The following CRACD variants were observed in gnomAD, a reference collection of about 807,000 sequenced individuals.
CRACD encodes the protein capping protein-inhibiting regulator of actin dynamics.
A neutral mutation model predicts 106.8 loss-of-function variants in CRACD; 56 were observed. The observed-to-expected ratio is 0.52, with a 90% CI of 0.42 to 0.66. CRACD has a LOEUF of 0.66. CRACD is among the 30% of genes least tolerant of loss of function. The pLI, the probability that CRACD is intolerant of heterozygous loss-of-function variation, is 0.00. For missense variants in CRACD, 1,730 were observed against 1,623.2 expected (o/e 1.07, Z -1.13); for synonymous variants, 754 against 670.8 (o/e 1.12, Z -1.92).
intron 2 of CRACD, among the ~76,000 whole-genome samples, chr4:56,216,585 A>G (rs1320991872): frequency 2.0e-5 from 3 of 152,102 alleles, no homozygotes; most frequent in African/African-American, 7.2e-5. Flanking sequence ...TGTGTGTGTG[A>G]CTGTGTTCCA....
At chr4:56,109,315 T>C (rs1240748616) in intron 1 of CRACD, among the ~76,000 whole-genome samples, 1 of 152,122 alleles carries the variant, frequency 6.6e-6, no homozygotes, top group Non-Finnish European at 1.5e-5. Flanking sequence ...ATCATCTCTA[T>C]ATCTAATTTG....
rs11940665 is a variant in CRACD, at chr4:56,083,850, A to T, written c.-336+34551A>T. On this transcript the variant is annotated intron_variant, in intron 1 of 10. Transcript: ENST00000682029. ...AAATTAGCTGGGCGTGGTGGTGCAC[A>T]TCTGTAGTCCCAGCTACTCTGGAGG... Among the ~76,000 whole-genome samples, 677 of 152,146 alleles carry T rather than the reference A, an allele frequency of 4.4e-3. 9 individuals carry two copies. Among genetic ancestry groups the T allele is most frequent in the African/African-American group, 0.016 (647 of 41,540 alleles).
chr4:56,089,655 A>G (rs1169996126), intron 1 of CRACD, among the ~76,000 whole-genome samples: 3 of 152,008 alleles, frequency 2.0e-5, no homozygotes, highest in African/African-American at 7.2e-5. Context: ...CTGGGATTAC[A>G]GGCATGGGCC....
intron 2 of CRACD, among the ~76,000 whole-genome samples, chr4:56,203,449 T>A (rs1333430439): frequency 6.6e-6 from 1 of 152,200 alleles, no homozygotes; most frequent in Non-Finnish European, 1.5e-5. Context: ...GTTCCTCTTT[T>A]CATGATGGAC....
intron 2 of CRACD, among the ~76,000 whole-genome samples, chr4:56,224,714 TTC>T (rs2109520636): frequency 6.6e-6 from 1 of 152,362 alleles, no homozygotes; most frequent in South Asian, 2.1e-4. Flanking sequence ...CCTAATTTCT[TTC>T]TGTTTCTTTG....
At chr4:56,266,620 A>C (rs1210155149) in intron 2 of CRACD, among the ~76,000 whole-genome samples, 2 of 152,188 alleles carry the variant, frequency 1.3e-5, no homozygotes, top group East Asian at 3.8e-4. Flanking sequence ...GTTTCACTAC[A>C]TTGTTAAAAT....
intron 1 of CRACD, among the ~76,000 whole-genome samples, chr4:56,124,468 A>T (rs866540262): frequency 6.6e-6 from 1 of 152,172 alleles, no homozygotes; most frequent in African/African-American, 2.4e-5. Context: ...GACTCTTTTA[A>T]AATATAATCA....
At chr4:56,262,926 T>A (rs566606027) in intron 2 of CRACD, among the ~76,000 whole-genome samples, 2 of 152,292 alleles carry the variant, frequency 1.3e-5, no homozygotes, top group South Asian at 4.1e-4. Context: ...AATTCTGATT[T>A]CCAAAACACA....
At chr4:56,055,355 G>T (rs1482032323) in intron 1 of CRACD, among the ~76,000 whole-genome samples, 1 of 151,940 alleles carries the variant, frequency 6.6e-6, no homozygotes, top group Non-Finnish European at 1.5e-5. Context: ...GTATATAATT[G>T]TTAACCCCTT....
At chr4:56,090,224 A>G (rs1378551034) in intron 1 of CRACD, among the ~76,000 whole-genome samples, 1 of 151,688 alleles carries the variant, frequency 6.6e-6, no homozygotes, top group Non-Finnish European at 1.5e-5. Context: ...TTCACAAGTG[A>G]TGAAGATAAT....
chr4:56,085,997 G>A (rs10019724), intron 1 of CRACD, among the ~76,000 whole-genome samples: 16,843 of 152,104 alleles, frequency 0.11, 1,015 homozygotes, highest in African/African-American at 0.15. Flanking sequence ...CTCCCTGCAT[G>A]TTACTATTTA....
At chr4:56,242,585 G>A (rs1012672521) in intron 2 of CRACD, among the ~76,000 whole-genome samples, 17 of 152,124 alleles carry the variant, frequency 1.1e-4, no homozygotes, top group African/African-American at 3.4e-4. Context: ...CTGCAAGGAT[G>A]AGCACCCCAA....
intron 2 of CRACD, among the ~76,000 whole-genome samples, chr4:56,238,393 G>T (rs1365848052): frequency 6.6e-6 from 1 of 152,202 alleles, no homozygotes. Context: ...GCCACTTAGG[G>T]CTTCAAAGCC....
intron 1 of CRACD, among the ~76,000 whole-genome samples, chr4:56,171,419 C>A (rs527445461): frequency 6.6e-6 from 1 of 152,092 alleles, no homozygotes; most frequent in African/African-American, 2.4e-5. Context: ...GTAGTGTTGT[C>A]CAGTTAGCAG....
chr4:56,258,446 A>G (rs1741501654), intron 2 of CRACD, among the ~76,000 whole-genome samples: 1 of 152,232 alleles, frequency 6.6e-6, no homozygotes, highest in African/African-American at 2.4e-5. Context: ...CTTTGTCATG[A>G]GCATGTTCTT....
intron 2 of CRACD, among the ~76,000 whole-genome samples, chr4:56,251,615 G>T (rs60962901): frequency 6.6e-6 from 1 of 152,278 alleles, no homozygotes; most frequent in African/African-American, 2.4e-5. Flanking sequence ...CCTTAATTGA[G>T]AAGTGGAAGA....
intron 1 of CRACD, among the ~76,000 whole-genome samples, chr4:56,177,129 C>T (rs567188600): frequency 4.6e-5 from 7 of 152,286 alleles, no homozygotes; most frequent in Admixed American, 3.9e-4. Flanking sequence ...GCATCCCTGT[C>T]TTGTTCTAGA....
intron 1 of CRACD, among the ~76,000 whole-genome samples, chr4:56,116,358 AT>A (rs1012115476): frequency 2.0e-5 from 3 of 152,214 alleles, no homozygotes; most frequent in African/African-American, 7.2e-5. Flanking sequence ...CACTGTAGGC[AT>A]GTTTGTCTTC....
At chr4:56,219,101 C>T (rs1738894520) in intron 2 of CRACD, among the ~76,000 whole-genome samples, 1 of 152,122 alleles carries the variant, frequency 6.6e-6, no homozygotes, top group Admixed American at 6.5e-5. Context: ...AGATGAATAA[C>T]TTGCCTCTTC....
Sources: gnomAD v4.1 joint callset for allele counts (sites outside exome capture counted in the v4.1 genomes callset) on GRCh38, gnomAD v4.1.1 for gene constraint, MANE v1.5 for transcripts, NCBI Gene and HGNC (gene_info 2026-07-23, HGNC 2026-07-21) for gene names.